CREB5: variants seen among roughly 807,000 people sequenced by gnomAD.
CREB5 encodes cAMP responsive element binding protein 5, also known as cyclic AMP-responsive element-binding protein 5.
In CREB5, 19 loss-of-function variants were observed where a neutral mutation model predicts 57.1. That is an observed-to-expected ratio of 0.33 (90% CI 0.23 to 0.49). The LOEUF (loss-of-function observed/expected upper bound fraction) is 0.49, where lower values mean the gene tolerates loss of function less well. CREB5 is among the 20% of genes least tolerant of loss of function. The pLI, the probability that CREB5 is intolerant of heterozygous loss-of-function variation, is 0.99. For synonymous variants in CREB5, 238 were observed against 238.3 expected (o/e 1.00, Z 0.01); for missense variants, 579 against 671.6 (o/e 0.86, Z 1.52).
At chr7:28,612,445 C>T (rs1797427658) in intron 5 of CREB5, among the ~76,000 whole-genome samples, 1 of 151,766 alleles carries the variant, frequency 6.6e-6, no homozygotes, top group African/African-American at 2.4e-5. Flanking sequence ...AAAATGTATG[C>T]TGTGCTGATG....
chr7:28,607,152 CT>C (rs1459087244), intron 5 of CREB5, among the ~76,000 whole-genome samples: 3 of 152,168 alleles, frequency 2.0e-5, no homozygotes, highest in Non-Finnish European at 4.4e-5. Context: ...CTACTTCTTA[CT>C]TCTATGAGAT....
chr7:28,507,768 G>T, intron 4 of CREB5, 31 bp downstream of exon 4: 1 of 1,572,876 alleles, frequency 6.4e-7, no homozygotes, highest in Non-Finnish European at 8.7e-7. Flanking sequence ...GCCTTGAGAG[G>T]TGTCCTGCTA....
intron 5 of CREB5, among the ~76,000 whole-genome samples, chr7:28,677,063 G>A (rs1165173010): frequency 1.3e-5 from 2 of 152,122 alleles, no homozygotes; most frequent in Admixed American, 1.3e-4. Flanking sequence ...CTAAAGGCTT[G>A]ATCACTTTAG....
chr7:28,696,757 C>T (rs1801585660), intron 5 of CREB5, among the ~76,000 whole-genome samples: 1 of 143,690 alleles, frequency 7.0e-6, no homozygotes, highest in Non-Finnish European at 1.6e-5. Context: ...ACACACACTA[C>T]ATACACACAT....
chr7:28,820,170 G>C lies in CREB5; in HGVS notation c.*891G>C, dbSNP rs1281252661. On this transcript the variant is annotated 3_prime_UTR_variant, in exon 11 of 11. Transcript: ENST00000357727. ...ATCACAGCAAATGAAAGGTGGTTTA[G>C]TTATAAGTGAAGCATGGTTGAATAC... 1 of 152,528 alleles carries C rather than the reference G, an allele frequency of 6.6e-6. No homozygotes were observed. Among genetic ancestry groups the C allele is most frequent in the African/African-American group, 2.4e-5 (1 of 41,428 alleles). 9.4% of individuals were successfully genotyped at this position (152,528 alleles called of 1,614,324 possible).
intron 1 of CREB5, among the ~76,000 whole-genome samples, chr7:28,406,408 C>G (rs1241660291): frequency 6.6e-6 from 1 of 152,228 alleles, no homozygotes; most frequent in Non-Finnish European, 1.5e-5. Flanking sequence ...GGTCCAACCT[C>G]TCTGCCACCG....
intron 1 of CREB5, among the ~76,000 whole-genome samples, chr7:28,317,678 T>C (rs974676220): frequency 3.4e-5 from 5 of 146,212 alleles, no homozygotes; most frequent in Non-Finnish European, 7.7e-5. Context: ...TTGAGAGAAT[T>C]AAATTAGGTA....
chr7:28,795,355 G>A (rs1807967279), intron 7 of CREB5, among the ~76,000 whole-genome samples: 1 of 152,112 alleles, frequency 6.6e-6, no homozygotes, highest in South Asian at 2.1e-4. Flanking sequence ...TTCATCTGGT[G>A]CGTTAAACAC....
intron 1 of CREB5, among the ~76,000 whole-genome samples, chr7:28,453,884 G>A (rs2128570017): frequency 6.6e-6 from 1 of 151,886 alleles, no homozygotes; most frequent in East Asian, 1.9e-4. Flanking sequence ...TGTGAGACAG[G>A]TTTTGTAAAC....
At chr7:28,566,065 T>C (rs1273044488) in intron 4 of CREB5, among the ~76,000 whole-genome samples, 1 of 152,262 alleles carries the variant, frequency 6.6e-6, no homozygotes, top group African/African-American at 2.4e-5. Context: ...TCCTGTGATA[T>C]ATTTTGGATG....
chr7:28,811,967 T>G (rs956169151), intron 9 of CREB5, among the ~76,000 whole-genome samples: 1 of 152,224 alleles, frequency 6.6e-6, no homozygotes, highest in African/African-American at 2.4e-5. Context: ...TTGGCCCTAT[T>G]GACTTCCGGG....
At chr7:28,616,486 G>A (rs1448194975) in intron 5 of CREB5, among the ~76,000 whole-genome samples, 1 of 151,576 alleles carries the variant, frequency 6.6e-6, no homozygotes, top group Admixed American at 6.6e-5. Flanking sequence ...AACCTAATGG[G>A]TACCCAGAAA....
chr7:28,435,596 T>A, intron 1 of CREB5: 2 of 981,718 alleles, frequency 2.0e-6, no homozygotes, highest in Non-Finnish European at 2.4e-6. Context: ...AAACATTTAT[T>A]TTCTTTGCAA....
chr7:28,308,130 G>A (rs888019959), intron 1 of CREB5, among the ~76,000 whole-genome samples: 4 of 152,164 alleles, frequency 2.6e-5, no homozygotes, highest in African/African-American at 9.7e-5. Flanking sequence ...GCAGCCTTAG[G>A]GGCCCTGATA....
At chr7:28,794,424 G>A (rs1480133370) in intron 7 of CREB5, among the ~76,000 whole-genome samples, 1 of 152,202 alleles carries the variant, frequency 6.6e-6, no homozygotes, top group African/African-American at 2.4e-5. Flanking sequence ...CAGGCAGCAG[G>A]CAGGCTGGCA....
chr7:28,622,798 A>G (rs533394631), intron 5 of CREB5, among the ~76,000 whole-genome samples: 1 of 152,206 alleles, frequency 6.6e-6, no homozygotes, highest in South Asian at 2.1e-4. Flanking sequence ...AGGCAAAAGG[A>G]TCACTTCAGC....
chr7:28,561,217 G>A (rs955276621), intron 4 of CREB5, among the ~76,000 whole-genome samples: 13 of 152,084 alleles, frequency 8.5e-5, no homozygotes, highest in Admixed American at 3.3e-4. Context: ...CTATGTGGTG[G>A]GCATTGTATT....
At chr7:28,580,559 G>T (rs1183322223) in intron 5 of CREB5, among the ~76,000 whole-genome samples, 17 of 13,374 alleles carry the variant, frequency 1.3e-3, no homozygotes, top group Admixed American at 0.01. Context: ...TGGCAAATTG[G>T]TGTGTGTGTG....
chr7:28,695,270 C>T (rs906392745), intron 5 of CREB5, among the ~76,000 whole-genome samples: 3 of 152,144 alleles, frequency 2.0e-5, no homozygotes, highest in African/African-American at 7.2e-5. Context: ...GAGAGTTATT[C>T]TATATCATAA....
Sources: gnomAD v4.1 joint callset for allele counts (sites outside exome capture counted in the v4.1 genomes callset) on GRCh38, gnomAD v4.1.1 for gene constraint, MANE v1.5 for transcripts, NCBI Gene and HGNC (gene_info 2026-07-23, HGNC 2026-07-21) for gene names.